Variants in PRKN observed in about 807,000 individuals in gnomAD.
The protein encoded by PRKN is parkin RBR E3 ubiquitin protein ligase, also known as E3 ubiquitin-protein ligase parkin.
Under a neutral mutation model 59.5 loss-of-function variants are expected in PRKN, and 56 were observed. The observed-to-expected ratio is 0.94, with a 90% CI of 0.76 to 1.18. The LOEUF is 1.18. Among genes scored for constraint, PRKN ranks in the 50% most tolerant of loss-of-function variants. The pLI, the probability that PRKN is intolerant of heterozygous loss-of-function variation, is 0.00. For synonymous variants in PRKN, 250 were observed against 222.1 expected, an observed-to-expected ratio of 1.13 and a Z score of -1.12; for missense variants, 657 against 596.4, an observed-to-expected ratio of 1.10 and a Z score of -1.06.
chr6:161,717,772 G>T (rs1787046334), intron 7 of PRKN, among the ~76,000 whole-genome samples: 1 of 152,168 alleles, frequency 6.6e-6, no homozygotes, highest in Non-Finnish European at 1.5e-5. Context: ...AGAGAGGAAG[G>T]GGGTGCCTGT....
intron 4 of PRKN, among the ~76,000 whole-genome samples, chr6:162,084,671 C>G (rs1316027684): frequency 6.6e-6 from 1 of 152,012 alleles, no homozygotes; most frequent in Non-Finnish European, 1.5e-5. Flanking sequence ...TACACTACTG[C>G]TATATTCAAT....
At chr6:162,699,746 G>C (rs13196879) in intron 1 of PRKN, among the ~76,000 whole-genome samples, 1 of 152,012 alleles carries the variant, frequency 6.6e-6, no homozygotes, top group South Asian at 2.1e-4. Flanking sequence ...AGGAGCCCTA[G>C]GGTCTCTGTG....
At chr6:162,116,406 C>T (rs976473553) in intron 4 of PRKN, among the ~76,000 whole-genome samples, 2 of 152,138 alleles carry the variant, frequency 1.3e-5, no homozygotes, top group Non-Finnish European at 2.9e-5. Context: ...ATGATTCTGG[C>T]ATGAAACAGC....
rs77332950 is a variant in PRKN at position 161,716,115 on chromosome 6, C to T, written c.871+69657G>A. 144,927 of 1,336,420 alleles carry T rather than the reference C, an allele frequency of 0.11. 14,031 individuals are homozygous for T. The highest frequency in any genetic ancestry group is 0.5 in the African/African-American group (33,510 of 66,402). 82.8% of individuals were successfully genotyped at this position (1,336,420 alleles called of 1,614,324 possible). A position where few individuals can be genotyped will look rare whatever the true frequency, so the allele number is the denominator to read the frequency against. Reference sequence around the variant, plus strand: ...ATCCCCCCAGAGCTCCTCTAAGCACCACTGTGTCTCCAGTTCCTGGTCAAA... The same window carrying T: ...ATCCCCCCAGAGCTCCTCTAAGCACTACTGTGTCTCCAGTTCCTGGTCAAA... On this transcript the variant is annotated intron_variant, in intron 7 of 11. Transcript: ENST00000366898.
At chr6:161,840,956 T>C (rs1792961512) in intron 6 of PRKN, among the ~76,000 whole-genome samples, 1 of 152,162 alleles carries the variant, frequency 6.6e-6, no homozygotes, top group Admixed American at 6.5e-5. Context: ...GGAATGCTTA[T>C]ACACTGCTGA....
chr6:161,614,733 T>A (rs1269627054), intron 7 of PRKN, among the ~76,000 whole-genome samples: 2 of 152,208 alleles, frequency 1.3e-5, no homozygotes, highest in Non-Finnish European at 1.5e-5. Flanking sequence ...ATACATGAAA[T>A]TTTGACAGGT....
chr6:161,509,516 T>C (rs1010100373), intron 9 of PRKN, among the ~76,000 whole-genome samples: 3 of 152,176 alleles, frequency 2.0e-5, no homozygotes, highest in African/African-American at 7.2e-5. Flanking sequence ...TGGCCTTTCA[T>C]GTTAAGCTGA....
intron 9 of PRKN, among the ~76,000 whole-genome samples, chr6:161,418,118 T>C (rs1787935262): frequency 6.6e-6 from 1 of 152,252 alleles, no homozygotes; most frequent in Admixed American, 6.5e-5. Context: ...TCTGGAAAAG[T>C]ATTACTGTAT....
At chr6:162,416,789 C>G (rs1456729798) in intron 2 of PRKN, among the ~76,000 whole-genome samples, 1 of 152,130 alleles carries the variant, frequency 6.6e-6, no homozygotes, top group Admixed American at 6.5e-5. Context: ...TCTCATTTTT[C>G]TATTTCTAAA....
At chr6:162,583,168 C>G (rs1432902280) in intron 1 of PRKN, among the ~76,000 whole-genome samples, 1 of 152,178 alleles carries the variant, frequency 6.6e-6, no homozygotes, top group African/African-American at 2.4e-5. Context: ...ACGACCTTAC[C>G]AGACACAAAA....
At chr6:161,916,056 A>G in intron 6 of PRKN, among the ~76,000 whole-genome samples, 1 of 152,244 alleles carries the variant, frequency 6.6e-6, no homozygotes, top group East Asian at 1.9e-4. Flanking sequence ...TCCCTAATTA[A>G]TAAGAAAAAA....
chr6:161,977,362 G>A (rs1224883458), intron 5 of PRKN, among the ~76,000 whole-genome samples: 1 of 152,126 alleles, frequency 6.6e-6, no homozygotes, highest in Non-Finnish European at 1.5e-5. Flanking sequence ...TACAGGTGCA[G>A]TGGTTTTGCA....
chr6:162,435,003 A>C (rs957291841), intron 2 of PRKN, among the ~76,000 whole-genome samples: 1 of 152,212 alleles, frequency 6.6e-6, no homozygotes, highest in Non-Finnish European at 1.5e-5. Flanking sequence ...AAGGATGATG[A>C]CTGTATTAAG....
At chr6:162,515,681 A>T (rs998494063) in intron 1 of PRKN, among the ~76,000 whole-genome samples, 3 of 148,606 alleles carry the variant, frequency 2.0e-5, no homozygotes, top group South Asian at 2.1e-4. Context: ...ACTTATTCAA[A>T]TTTTTTTTTT....
At chr6:162,437,099 AT>A (rs1554323715) in intron 2 of PRKN, among the ~76,000 whole-genome samples, 9 of 136,792 alleles carry the variant, frequency 6.6e-5, no homozygotes, top group Admixed American at 5.0e-4. Flanking sequence ...CTCAAAAAAA[AT>A]AAATAAATAA....
chr6:162,342,481 T>C (rs1784222096), intron 2 of PRKN, among the ~76,000 whole-genome samples: 1 of 152,172 alleles, frequency 6.6e-6, no homozygotes, highest in Non-Finnish European at 1.5e-5. Flanking sequence ...GCTATTATGA[T>C]AAATATTATA....
intron 6 of PRKN, among the ~76,000 whole-genome samples, chr6:161,901,994 G>A (rs975320504): frequency 9.2e-5 from 14 of 152,172 alleles, no homozygotes; most frequent in African/African-American, 3.4e-4. Flanking sequence ...CAGAGCGTGT[G>A]ATGCTGACAC....
In PRKN at chr6:161,593,702, C is replaced by A. The variant is rs545944147; in HGVS notation, c.872-24286G>T. Among the ~76,000 whole-genome samples, 2 of 152,102 alleles carry A rather than the reference C, an allele frequency of 1.3e-5. No individual in the cohort carries two copies. The stretch of plus-strand genomic sequence containing the variant: ...TGAGAGTAGGAAGACTGGGGAAGAG[C>A]GAGAGAGGGCTCGAGGAGTTCTGCT... On this transcript the variant is annotated intron_variant, in intron 7 of 11. Transcript: ENST00000366898. The surrounding 1 kb of genome is among the most constrained non-coding windows in gnomAD (Gnocchi z 4.8).
chr6:162,635,099 G>C (rs1393986405), intron 1 of PRKN, among the ~76,000 whole-genome samples: 1 of 152,110 alleles, frequency 6.6e-6, no homozygotes, highest in South Asian at 2.1e-4. Flanking sequence ...TACTTGACTT[G>C]ATTTCTTCCT....
Sources: allele counts gnomAD v4.1 joint callset (sites outside exome capture counted in the v4.1 genomes callset), GRCh38; gene constraint gnomAD v4.1.1; non-coding constraint Gnocchi (gnomAD v3.1); transcripts MANE v1.5; gene names NCBI Gene and HGNC (gene_info 2026-07-23, HGNC 2026-07-21).